The following FAM118A variants were observed in gnomAD, a reference collection of about 807,000 sequenced individuals.
FAM118A encodes the protein SIR2 antiphage like 2.
In FAM118A, 25 loss-of-function variants were observed where a neutral mutation model predicts 38.2. That is an observed-to-expected ratio of 0.65 (90% CI 0.48 to 0.91). The LOEUF (loss-of-function observed/expected upper bound fraction) is 0.91, where lower values mean the gene tolerates loss of function less well. FAM118A is among the 40% of genes least tolerant of loss of function. FAM118A has a pLI of 0.00. For missense variants in FAM118A, 425 were observed against 463.3 expected (o/e 0.92, Z 0.76); for synonymous variants, 178 against 184.1 (o/e 0.97, Z 0.27).
At chr22:45,315,841 G>A (rs1447922331) in intron 1 of FAM118A, among the ~76,000 whole-genome samples, 1 of 152,162 alleles carries the variant, frequency 6.6e-6, no homozygotes, top group Non-Finnish European at 1.5e-5. Context: ...GCTTCAGGTG[G>A]GGGTGTTGTG....
intron 1 of FAM118A, among the ~76,000 whole-genome samples, chr22:45,316,800 A>G (rs771398088): frequency 2.0e-5 from 3 of 152,360 alleles, no homozygotes; most frequent in Middle Eastern, 3.4e-3. Flanking sequence ...AGGGCTCAAC[A>G]TAAATCAACT....
At chr22:45,319,841 G>A (rs1428912575) in intron 1 of FAM118A, among the ~76,000 whole-genome samples, 2 of 152,192 alleles carry the variant, frequency 1.3e-5, no homozygotes, top group Non-Finnish European at 2.9e-5. Flanking sequence ...CCCCAGCCCG[G>A]ACTCTGCCAG....
chr22:45,310,853 G>A (rs564501696), intron 1 of FAM118A, among the ~76,000 whole-genome samples: 18 of 151,906 alleles, frequency 1.2e-4, no homozygotes, highest in Admixed American at 7.8e-4. Flanking sequence ...ACCGGGGAGG[G>A]AGCGAGTTAG....
intron 5 of FAM118A, 71 bp from the exon 6 acceptor site, chr22:45,332,352 ATG>A (rs2085781173): frequency 6.7e-7 from 1 of 1,492,868 alleles, no homozygotes; most frequent in African/African-American, 1.4e-5. Flanking sequence ...AAGCACACAC[ATG>A]TGACTTGGTT....
At chr22:45,328,457 C>T (rs2085468932) in intron 4 of FAM118A, 3 of 906,222 alleles carry the variant, frequency 3.3e-6, no homozygotes, top group Non-Finnish European at 5.7e-6. Context: ...GCTGCTCTCA[C>T]TTTGTAGCAG....
intron 4 of FAM118A, chr22:45,329,979 AACT>A (rs2146683953): frequency 6.6e-6 from 1 of 152,328 alleles, no homozygotes; most frequent in East Asian, 1.9e-4. Flanking sequence ...CTGTATCTTG[AACT>A]GAAAGGAATG....
chr22:45,322,191 T>C, intron 1 of FAM118A, 180 bp from the exon 2 acceptor site: 1 of 1,517,530 alleles, frequency 6.6e-7, no homozygotes, highest in East Asian at 2.6e-5. Flanking sequence ...AGATGAGGAA[T>C]GGTGGCTTAG....
At chr22:45,333,310 G>A (rs2085853701) in intron 6 of FAM118A, among the ~76,000 whole-genome samples, 1 of 152,108 alleles carries the variant, frequency 6.6e-6, no homozygotes, top group Non-Finnish European at 1.5e-5. Flanking sequence ...AGGATTGCTT[G>A]AGCCCAGGAG....
At chr22:45,334,748 A>T (rs886136312) in intron 6 of FAM118A, among the ~76,000 whole-genome samples, 3 of 152,196 alleles carry the variant, frequency 2.0e-5, no homozygotes, top group Admixed American at 6.5e-5. Context: ...AGAGCAAAAT[A>T]CACCATTTGG....
intron 1 of FAM118A, 192 bp from the exon 2 acceptor site, chr22:45,322,179 T>C (rs1301473746): frequency 1.3e-6 from 2 of 1,496,514 alleles, no homozygotes; most frequent in East Asian, 2.7e-5. Flanking sequence ...ATGAGTCTCA[T>C]GAGATGAGGA....
chr22:45,338,207 C>T (rs1005766948), intron 8 of FAM118A, among the ~76,000 whole-genome samples: 1 of 151,250 alleles, frequency 6.6e-6, no homozygotes, highest in Non-Finnish European at 1.5e-5. Flanking sequence ...TGATTTCCAC[C>T]GTCTTTTAAG....
chr22:45,332,742 TTCTTTTTTC>T (rs2085810988), intron 6 of FAM118A, 32 bp downstream of exon 6: 3 of 1,492,812 alleles, frequency 2.0e-6, no homozygotes, highest in African/African-American at 4.2e-5. Flanking sequence ...TCCTTTTTCT[TTCTTTTTTC>T]TTTTTTTTTT....
intron 8 of FAM118A, among the ~76,000 whole-genome samples, chr22:45,336,789 G>T (rs1263925628): frequency 6.6e-6 from 1 of 152,222 alleles, no homozygotes; most frequent in Admixed American, 6.5e-5. Flanking sequence ...ATCACACGCA[G>T]TTGAGGAAGC....
At position 45,323,362 on chromosome 22, in the gene FAM118A, A is replaced by G; in HGVS notation, c.235A>G (p.Arg79Gly). ...LHPGDVAEFR[R>G]KVTKDRDLLV... ...CCCCGGAGACGTCGCCGAGTTCCGG[A>G]GGAAAGTGACAAAGGACCGGGACCT... is the stretch of plus-strand genomic sequence containing the variant. Residue 79 changes from arginine to glycine, a missense_variant, in exon 3 of 9, where the codon AGG (arginine) becomes GGG (glycine). By Grantham distance (125) the Arg-to-Gly change is moderately radical. Transcript: ENST00000441876. 1 of 1,614,150 alleles carries G rather than the reference A, an allele frequency of 6.2e-7. No individual in the cohort carries two copies. The highest frequency in any genetic ancestry group is 8.5e-7 in the Non-Finnish European group (1 of 1,180,030).
intron 2 of FAM118A, 92 bp from the exon 3 acceptor site, chr22:45,323,083 C>T: frequency 8.4e-7 from 1 of 1,192,904 alleles, no homozygotes; most frequent in Non-Finnish European, 1.2e-6. Context: ...GTGTACACAG[C>T]ACAAGGCCGG....
rs980026379 is a variant in FAM118A, at chr22:45,323,092, G to A, written c.48-83G>A. ...GTGTGTGTGTACACAGCACAAGGCC[G>A]GAACTCGCAGACAGTTCCAGACTTT... On this transcript the variant is annotated intron_variant, in intron 2 of 8. Transcript: ENST00000441876. 6.5e-6 allele frequency: 9 copies of A among 1,391,810 alleles called. No homozygotes were observed. In the African/African-American group the frequency reaches 9.0e-5, roughly 14 times the overall value. 86.2% of individuals were successfully genotyped at this position (1,391,810 alleles called of 1,614,324 possible).
Position 45,327,964 on chromosome 22 carries a change from C to T in FAM118A, c.423C>T (p.Gly141=), listed in dbSNP as rs761248655. Residue 141 remains glycine, a synonymous_variant, in exon 4 of 9, where the codon GGC becomes GGT. Transcript: ENST00000441876. ...LQSILSLMDR[G]AMVLTTNYDN... ...CGATCCTCAGCCTGATGGACAGGGGCGCCATGGTCCTGACCACCAACTATG... is the reference window on the plus strand; with the variant it reads ...CGATCCTCAGCCTGATGGACAGGGGTGCCATGGTCCTGACCACCAACTATG... The T allele has an allele frequency of 1.8e-5, 29 of 1,613,876 alleles. No individual in the cohort carries two copies. The highest frequency in any genetic ancestry group is 4.5e-5 in the East Asian group (2 of 44,884).
chr22:45,315,536 G>A (rs1291408944), intron 1 of FAM118A, among the ~76,000 whole-genome samples: 1 of 152,174 alleles, frequency 6.6e-6, no homozygotes, highest in African/African-American at 2.4e-5. Context: ...TTTCAGATAC[G>A]CGTCTCCCTT....
intron 1 of FAM118A, among the ~76,000 whole-genome samples, chr22:45,310,898 T>C (rs981939209): frequency 6.6e-6 from 1 of 152,184 alleles, no homozygotes; most frequent in African/African-American, 2.4e-5. Context: ...GTCTCCTCCT[T>C]AATTTTTTCA....
Sources: allele counts gnomAD v4.1 joint callset (sites outside exome capture counted in the v4.1 genomes callset), GRCh38; gene constraint gnomAD v4.1.1; transcripts MANE v1.5; gene names NCBI Gene and HGNC (gene_info 2026-07-23, HGNC 2026-07-21).